Variants in WDR3 observed in about 807,000 individuals in gnomAD.
WDR3 encodes WD repeat domain 3.
A neutral mutation model predicts 123.7 loss-of-function variants in WDR3; 81 were observed. The observed-to-expected ratio is 0.65, with a 90% CI of 0.55 to 0.79. WDR3 has a LOEUF of 0.79. WDR3 is among the 30% of genes least tolerant of loss of function. The pLI, the probability that WDR3 is intolerant of heterozygous loss-of-function variation, is 0.00. For synonymous variants in WDR3, 390 were observed against 388.8 expected, an observed-to-expected ratio of 1.00 and a Z score of -0.04; for missense variants, 1,027 against 1,123.2, an observed-to-expected ratio of 0.91 and a Z score of 1.22.
At chr1:117,941,358 C>A in intron 8 of WDR3, 133 bp downstream of exon 8, 1 of 769,902 alleles carries the variant, frequency 1.3e-6, no homozygotes. Flanking sequence ...CTGTGTGGAC[C>A]TATAATCTCT....
intron 10 of WDR3, 112 bp from the exon 11 acceptor site, chr1:117,943,284 A>C (rs1411423395): frequency 1.1e-6 from 1 of 922,538 alleles, no homozygotes; most frequent in Non-Finnish European, 1.6e-6. Flanking sequence ...AATTGTTTAT[A>C]GTTATTCAAA....
chr1:117,946,578 A>G (rs898886667), intron 12 of WDR3, among the ~76,000 whole-genome samples: 4 of 152,210 alleles, frequency 2.6e-5, no homozygotes, highest in Non-Finnish European at 5.9e-5. Context: ...CCTAGGTGCT[A>G]GTCAGATTGG....
In WDR3 at chr1:117,952,590, G is replaced by A. The variant is rs139563237; in HGVS notation, c.2079G>A (p.Ser693=). 225 of 1,613,356 alleles carry A rather than the reference G, an allele frequency of 1.4e-4. No individual in the cohort carries two copies. The highest frequency in any genetic ancestry group is 1.8e-4 in the Non-Finnish European group (211 of 1,179,622). ...CCAGTGGAGACTATGTTGTATCATC[G>A]TCCCATGACAAATCTCTGAGACTTT... ...VSPSGDYVVS[S]SHDKSLRLWE... Residue 693 remains serine, a synonymous_variant, in exon 19 of 27, where the codon TCG becomes TCA. Transcript: ENST00000349139.
intron 10 of WDR3, 31 bp downstream of exon 10, chr1:117,942,575 G>GA: frequency 6.3e-7 from 1 of 1,576,608 alleles, no homozygotes; most frequent in Non-Finnish European, 8.7e-7. Flanking sequence ...TGAAGTTATA[G>GA]AAATAGTAAG....
chr1:117,953,396 A>C, intron 20 of WDR3, 80 bp from the exon 21 acceptor site: 1 of 1,353,546 alleles, frequency 7.4e-7, no homozygotes, highest in Non-Finnish European at 1.0e-6. Flanking sequence ...AGCTGTTCTC[A>C]TATGGATGTA....
chr1:117,955,141 T>C, intron 23 of WDR3, 174 bp from the exon 24 acceptor site: 2 of 506,106 alleles, frequency 4.0e-6, no homozygotes, highest in Middle Eastern at 5.2e-4. Context: ...AGGGGCAGAG[T>C]TCAGTTGTCA....
chr1:117,952,317 T>C lies in WDR3; in HGVS notation c.1925T>C (p.Val642Ala). 6.2e-7 allele frequency: 1 copy of C among 1,612,358 alleles called. No individual in the cohort carries two copies. The highest frequency in any genetic ancestry group is 8.5e-7 in the Non-Finnish European group (1 of 1,179,158). Residue 642 changes from valine to alanine, a missense_variant, in exon 18 of 27, where the codon GTA (valine) becomes GCA (alanine). Transcript: ENST00000349139. ...HDDSVMYLQF[V>A]PKSHLFFTAG... The stretch of plus-strand genomic sequence containing the variant: ...TTCAGTGTGATGTACCTACAGTTTG[T>C]ACCCAAGTCTCACCTCTTCTTCACT...
chr1:117,933,031 C>T (rs1336943142), intron 1 of WDR3, among the ~76,000 whole-genome samples: 4 of 128,840 alleles, frequency 3.1e-5, no homozygotes, highest in Non-Finnish European at 4.8e-5. Context: ...CCCATCTCTA[C>T]TAAAAAAAAA....
intron 6 of WDR3, among the ~76,000 whole-genome samples, chr1:117,940,174 A>G (rs117540648): frequency 0.013 from 2,023 of 152,272 alleles, 36 homozygotes; most frequent in South Asian, 0.092. Flanking sequence ...TCAACCTTTC[A>G]CCTAAATACA....
At position 117,948,458 on chromosome 1, in the gene WDR3, A is replaced by G. The variant is rs975220097; in HGVS notation, c.1476A>G (p.Ile492Met). The G allele has an allele frequency of 1.9e-6, 3 of 1,613,932 alleles. No individual in the cohort carries two copies. Among genetic ancestry groups the G allele is most frequent in the Non-Finnish European group, 2.5e-6 (3 of 1,179,990 alleles). Reference sequence around the variant, plus strand: ...CTTCAGGGAATCTGCTGGAGACAATAGATGCACATGATGGAGCTTTGTGGT... The same window carrying G: ...CTTCAGGGAATCTGCTGGAGACAATGGATGCACATGATGGAGCTTTGTGGT... ...DLASGNLLET[I>M]DAHDGALWSM... The change falls in exon 13 of 27, where the codon ATA (isoleucine) becomes ATG (methionine). Residue 492 changes from isoleucine (I) to methionine (M), a missense_variant. Ile to Met is a conservative substitution (Grantham distance 10). Transcript: ENST00000349139.
Position 117,964,113 on chromosome 1 carries a change from T to A in WDR3, c.*4666T>A. On this transcript the variant is annotated 3_prime_UTR_variant, in exon 27 of 27. Coordinates refer to ENST00000349139, the MANE Select transcript of WDR3 (RefSeq NM_006784.3). ...AGGCTTGGGGGTTAGAGGATGGATA[T>A]GCCAATGTCTAGAATGTCTTCTGTT... 3.3e-6 allele frequency: 2 copies of A among 599,074 alleles called. No individual in the cohort carries two copies. Among genetic ancestry groups the A allele is most frequent in the South Asian group, 4.6e-5 (2 of 43,902 alleles). 37.1% of individuals were successfully genotyped at this position (599,074 alleles called of 1,614,324 possible).
At chr1:117,953,355 A>G (rs942021714) in intron 20 of WDR3, 121 bp from the exon 21 acceptor site, 23 of 955,102 alleles carry the variant, frequency 2.4e-5, no homozygotes, top group Non-Finnish European at 3.5e-5. Context: ...GGTAGCTGAT[A>G]ACACTGTTAG....
Position 117,940,835 on chromosome 1 carries a change from C to T in WDR3, c.684C>T (p.Asp228=), listed in dbSNP as rs775042777. 6 of 1,609,644 alleles carry T rather than the reference C, an allele frequency of 3.7e-6. No homozygotes were observed. Among genetic ancestry groups the T allele is most frequent in the Non-Finnish European group, 5.1e-6 (6 of 1,178,846 alleles). ...TCATTTTTATAAAACAGATTGAAGACCCGGAAGAACCAGACCCCAAGAAAA... is the reference window on the plus strand; with the variant it reads ...TCATTTTTATAAAACAGATTGAAGATCCGGAAGAACCAGACCCCAAGAAAA... ...WDIAYLQEIE[D]PEEPDPKKIK... is the part of the protein sequence containing the mutation. Residue 228 remains aspartate (D), a synonymous_variant, in exon 7 of 27, where the codon GAC becomes GAT. Coordinates refer to ENST00000349139, the MANE Select transcript of WDR3 (RefSeq NM_006784.3).
rs1423340697 is a variant in WDR3 at position 117,936,827 on chromosome 1, G to A, written c.440G>A (p.Gly147Glu). The A allele has an allele frequency of 1.9e-6, 3 of 1,613,196 alleles. No individual in the cohort carries two copies. The East Asian group carries it at 6.7e-5, about 36-fold the overall frequency. ...INESGLYRLKGHKDAITQALF... is the reference protein window; with the variant it reads ...INESGLYRLKEHKDAITQALF... ...GAAAGTGGTCTGTACCGTCTAAAGG[G>A]GCACAAGGATGCCATCACACAAGCA... is the stretch of plus-strand genomic sequence containing the variant. Residue 147 changes from glycine (G) to glutamate (E), a missense_variant, in exon 4 of 27, where the codon GGG (glycine) becomes GAG (glutamate). Physicochemically the swap from Gly to Glu is moderately conservative, Grantham distance 98. Coordinates refer to ENST00000349139, the MANE Select transcript of WDR3 (RefSeq NM_006784.3).
chr1:117,944,550 T>C (rs745405957), intron 11 of WDR3, among the ~76,000 whole-genome samples: 1 of 152,204 alleles, frequency 6.6e-6, no homozygotes, highest in Non-Finnish European at 1.5e-5. Context: ...TAATTAAGCA[T>C]TTCAAACTTT....
chr1:117,962,598 C>T lies in WDR3; in HGVS notation c.*3151C>T, dbSNP rs1201564845. The T allele has an allele frequency of 6.6e-6, 1 of 150,562 alleles. No individual in the cohort carries two copies. The highest frequency in any genetic ancestry group is 1.9e-4 in the East Asian group (1 of 5,152). 9.3% of individuals were successfully genotyped at this position (150,562 alleles called of 1,614,324 possible). ...ATGTATTGGGAGTAAAACATTTAGGCTTATTTTTAAAAATGTATATATCCA... is the reference window on the plus strand; with the variant it reads ...ATGTATTGGGAGTAAAACATTTAGGTTTATTTTTAAAAATGTATATATCCA... On this transcript the variant is annotated 3_prime_UTR_variant, in exon 27 of 27. Coordinates refer to ENST00000349139, the MANE Select transcript of WDR3 (RefSeq NM_006784.3).
At chr1:117,936,509 T>G (rs1029250817) in intron 3 of WDR3, among the ~76,000 whole-genome samples, 1 of 152,242 alleles carries the variant, frequency 6.6e-6, no homozygotes, top group Middle Eastern at 3.4e-3. Context: ...TAAAATGATA[T>G]GAATGGCATG....
Position 117,958,891 on chromosome 1 carries a change from T to G in WDR3, c.2583-19T>G, listed in dbSNP as rs1205900707. The G allele has an allele frequency of 6.2e-7, 1 of 1,609,436 alleles. No homozygotes were observed. Among genetic ancestry groups the G allele is most frequent in the South Asian group, 1.1e-5 (1 of 90,590 alleles). On this transcript the variant is annotated intron_variant, in intron 25 of 26. Coordinates refer to ENST00000349139, the MANE Select transcript of WDR3 (RefSeq NM_006784.3). ...CTAGAACCTCTCTGCAACATGGCTG[T>G]GTTTTGTTTTTCTATCAGGATTCAC... is the stretch of plus-strand genomic sequence containing the variant.
rs1460710208 is a variant in WDR3, at chr1:117,952,956, C to T, written c.2162C>T (p.Ala721Val). Residue 721 changes from alanine to valine, a missense_variant, in exon 20 of 27, where the codon GCA becomes GTA. By Grantham distance (64) the Ala-to-Val change is moderately conservative. Transcript: ENST00000349139. ...LEEEREMERE[A>V]EYEESVAKED... ...TCTATCTCATGGCAGGAAAGAGAAGCAGAATATGAGGAGAGTGTGGCCAAA... is the reference window on the plus strand; with the variant it reads ...TCTATCTCATGGCAGGAAAGAGAAGTAGAATATGAGGAGAGTGTGGCCAAA... 3.7e-6 allele frequency: 6 copies of T among 1,612,982 alleles called. No homozygotes were observed. The highest frequency in any genetic ancestry group is 5.1e-6 in the Non-Finnish European group (6 of 1,179,308).
Sources: allele counts gnomAD v4.1 joint callset (sites outside exome capture counted in the v4.1 genomes callset), GRCh38; gene constraint gnomAD v4.1.1; transcripts MANE v1.5; gene names NCBI Gene and HGNC (gene_info 2026-07-23, HGNC 2026-07-21).